The following HS2ST1 variants were observed in gnomAD, a reference collection of about 807,000 sequenced individuals.
The protein encoded by HS2ST1 is heparan sulfate 2-O-sulfotransferase 1, also known as 2-O-sulfotransferase.
A neutral mutation model predicts 42.9 loss-of-function variants in HS2ST1; 18 were observed. The observed-to-expected ratio is 0.42, with a 90% CI of 0.29 to 0.62. HS2ST1 has a LOEUF of 0.62. HS2ST1 is among the 20% of genes least tolerant of loss of function. The probability of loss-of-function intolerance (pLI) is 0.21; values close to 1 mark genes in which losing one functional copy is unlikely to be tolerated. For synonymous variants in HS2ST1, 146 were observed against 152.9 expected, an observed-to-expected ratio of 0.95 and a Z score of 0.33; for missense variants, 334 against 433.8, an observed-to-expected ratio of 0.77 and a Z score of 2.04.
rs1335310650 is a variant in HS2ST1, at chr1:87,081,405, G to A, written c.364-2789G>A. On this transcript the variant is annotated intron_variant, in intron 2 of 6. Transcript: ENST00000370550. ...GAATAAAACTAGAAACCAATAGCAAGACACATGGAAATTAAACAACGTGCT... is the reference window on the plus strand; with the variant it reads ...GAATAAAACTAGAAACCAATAGCAAAACACATGGAAATTAAACAACGTGCT... Among the ~76,000 whole-genome samples, 3 of 152,068 alleles carry A rather than the reference G, an allele frequency of 2.0e-5. No homozygotes were observed. In the South Asian group the frequency reaches 6.2e-4, roughly 32 times the overall value.
At chr1:87,043,539 A>G (rs896782790) in intron 1 of HS2ST1, among the ~76,000 whole-genome samples, 1 of 152,110 alleles carries the variant, frequency 6.6e-6, no homozygotes, top group African/African-American at 2.4e-5. Flanking sequence ...TGCTGGAGGT[A>G]TCTTGTTTAC....
At chr1:86,956,595 T>G (rs546835319) in intron 1 of HS2ST1, 3 of 152,338 alleles carry the variant, frequency 2.0e-5, no homozygotes, top group Non-Finnish European at 4.4e-5. Flanking sequence ...TTCTATAAAT[T>G]CTTTGTGATG....
intron 4 of HS2ST1, among the ~76,000 whole-genome samples, chr1:87,095,400 A>G (rs1652036754): frequency 6.6e-6 from 1 of 152,216 alleles, no homozygotes; most frequent in African/African-American, 2.4e-5. Flanking sequence ...ATTATGTTTT[A>G]AACTGACGTA....
intron 1 of HS2ST1, among the ~76,000 whole-genome samples, chr1:86,977,676 C>G (rs952277060): frequency 2.0e-5 from 3 of 152,130 alleles, no homozygotes; most frequent in Admixed American, 2.0e-4. Flanking sequence ...ACCTCAAGCC[C>G]AAGAGAAAGC....
chr1:87,024,924 A>T (rs1174985940), intron 1 of HS2ST1, among the ~76,000 whole-genome samples: 1 of 152,244 alleles, frequency 6.6e-6, no homozygotes, highest in Non-Finnish European at 1.5e-5. Flanking sequence ...AAATGCCTAT[A>T]TAACAATCAT....
intron 1 of HS2ST1, among the ~76,000 whole-genome samples, chr1:87,028,868 A>G (rs541496211): frequency 8.5e-5 from 13 of 152,304 alleles, no homozygotes; most frequent in African/African-American, 3.1e-4. Flanking sequence ...TCTAAAAAGT[A>G]TAGTTTCTGA....
chr1:86,967,925 A>G (rs1326746894), intron 1 of HS2ST1, among the ~76,000 whole-genome samples: 1 of 152,190 alleles, frequency 6.6e-6, no homozygotes, highest in Non-Finnish European at 1.5e-5. Context: ...AGCAGGGTGT[A>G]AGTTTCTGTT....
chr1:87,000,978 T>C (rs1262327025), intron 1 of HS2ST1, among the ~76,000 whole-genome samples: 3 of 152,160 alleles, frequency 2.0e-5, no homozygotes, highest in Admixed American at 2.0e-4. Flanking sequence ...CCAGGGTTTG[T>C]TGCTTTGTAG....
chr1:87,024,459 C>T (rs1306742877), intron 1 of HS2ST1, among the ~76,000 whole-genome samples: 3 of 151,264 alleles, frequency 2.0e-5, no homozygotes, highest in African/African-American at 4.9e-5. Flanking sequence ...CGAGATTGTG[C>T]CATTGCACTT....
At chr1:87,021,548 T>C (rs1371437702) in intron 1 of HS2ST1, among the ~76,000 whole-genome samples, 2 of 152,200 alleles carry the variant, frequency 1.3e-5, no homozygotes, top group African/African-American at 2.4e-5. Flanking sequence ...AAGATTTCAC[T>C]CTGTCATCCA....
intron 5 of HS2ST1, among the ~76,000 whole-genome samples, chr1:87,102,007 C>T (rs1368937456): frequency 6.6e-6 from 1 of 152,074 alleles, no homozygotes; most frequent in African/African-American, 2.4e-5. Flanking sequence ...CATCATATGG[C>T]AAGAGTGGGA....
intron 1 of HS2ST1, among the ~76,000 whole-genome samples, chr1:87,028,741 G>A (rs1650153643): frequency 6.6e-6 from 1 of 152,180 alleles, no homozygotes; most frequent in African/African-American, 2.4e-5. Flanking sequence ...TAAAGAGCAG[G>A]TACTGGATAG....
chr1:86,994,558 T>C (rs1649044622), intron 1 of HS2ST1, among the ~76,000 whole-genome samples: 1 of 152,098 alleles, frequency 6.6e-6, no homozygotes, highest in Non-Finnish European at 1.5e-5. Flanking sequence ...TATCCTTTTT[T>C]TGAGGATAAT....
At chr1:87,052,582 C>T (rs1005646963) in intron 1 of HS2ST1, among the ~76,000 whole-genome samples, 2 of 152,118 alleles carry the variant, frequency 1.3e-5, no homozygotes, top group East Asian at 1.9e-4. Flanking sequence ...AATGATGGTA[C>T]AGCATGCTTT....
At chr1:87,079,099 A>C (rs1651616591) in intron 2 of HS2ST1, among the ~76,000 whole-genome samples, 1 of 151,836 alleles carries the variant, frequency 6.6e-6, no homozygotes, top group Non-Finnish European at 1.5e-5. Context: ...GGAGATAAAG[A>C]TAATATGGAA....
At position 87,097,628 on chromosome 1, in the gene HS2ST1, G is replaced by A. The variant is rs139870740; in HGVS notation, c.589-210G>A. 9.9e-5 allele frequency among the ~76,000 whole-genome samples: 15 copies of A among 152,178 alleles called. No individual in the cohort carries two copies. In the East Asian group the frequency reaches 2.5e-3, roughly 26 times the overall value. Reference sequence around the variant, plus strand: ...AGGACGGTCTCGATTTCTTGACCTCGCGATCTGCCCGCCTCGGCCTCCCAA... The same window carrying A: ...AGGACGGTCTCGATTTCTTGACCTCACGATCTGCCCGCCTCGGCCTCCCAA... On this transcript the variant is annotated intron_variant, in intron 4 of 6. Transcript: ENST00000370550.
chr1:87,064,803 G>A (rs1370635195), intron 1 of HS2ST1, among the ~76,000 whole-genome samples: 1 of 152,060 alleles, frequency 6.6e-6, no homozygotes, highest in African/African-American at 2.4e-5. Context: ...TGGGACTACA[G>A]GCATGCACCA....
At chr1:86,964,742 C>T (rs1647994011) in intron 1 of HS2ST1, among the ~76,000 whole-genome samples, 1 of 152,198 alleles carries the variant, frequency 6.6e-6, no homozygotes, top group Admixed American at 6.5e-5. Context: ...CACACAGACA[C>T]ACATGTATAT....
intron 1 of HS2ST1, among the ~76,000 whole-genome samples, chr1:86,984,267 C>T (rs570881128): frequency 6.6e-6 from 1 of 152,202 alleles, no homozygotes; most frequent in South Asian, 2.1e-4. Context: ...AGGTGATTTC[C>T]AATAAGCCCT....
Sources: gnomAD v4.1 joint callset for allele counts (sites outside exome capture counted in the v4.1 genomes callset) on GRCh38, gnomAD v4.1.1 for gene constraint, MANE v1.5 for transcripts, NCBI Gene and HGNC (gene_info 2026-07-23, HGNC 2026-07-21) for gene names.